The following SLC24A2 variants were observed in gnomAD, a reference collection of about 807,000 sequenced individuals.
The protein encoded by SLC24A2 is sodium/potassium/calcium exchanger 2.
Under a neutral mutation model 62.0 loss-of-function variants are expected in SLC24A2, and 36 were observed. The observed-to-expected ratio is 0.58, with a 90% confidence interval of 0.44 to 0.77. The LOEUF (loss-of-function observed/expected upper bound fraction) is 0.77, where lower values mean the gene tolerates loss of function less well. Among genes scored for constraint, SLC24A2 ranks in the 30% least tolerant of loss-of-function variants. The pLI is 0.00. For missense variants in SLC24A2, 846 were observed against 817.9 expected (o/e 1.03, Z -0.42); for synonymous variants, 358 against 294.0 (o/e 1.22, Z -2.23).
chr9:19,568,952 TTC>T (rs890179306), intron 7 of SLC24A2, among the ~76,000 whole-genome samples: 1 of 152,206 alleles, frequency 6.6e-6, no homozygotes, highest in African/African-American at 2.4e-5. Flanking sequence ...TTCTCCCCCT[TTC>T]TTTCCGTGTA....
rs565464801 is a variant in SLC24A2, at chr9:19,603,511, G to A, written c.1079-6232C>T. On this transcript the variant is annotated intron_variant, in intron 4 of 10. Transcript: ENST00000341998. The stretch of plus-strand genomic sequence containing the variant: ...TCCACAGGGTGAGGGGAGGGAGGGG[G>A]GCACTAAGGTGATGCTGATGCTTCT... Among the ~76,000 whole-genome samples the A allele has an allele frequency of 4.0e-5, 6 of 151,874 alleles. No homozygotes were observed. The East Asian group carries it at 5.8e-4, about 15-fold the overall frequency.
the SLC24A2 span, among the ~76,000 whole-genome samples, chr9:20,216,763 A>T: frequency 1.3e-5 from 2 of 152,220 alleles, no homozygotes; most frequent in Non-Finnish European, 2.9e-5. Context: ...TAAGCATTAC[A>T]TGTCTCATTT....
the SLC24A2 span, among the ~76,000 whole-genome samples, chr9:20,259,238 A>C: frequency 6.6e-6 from 1 of 152,244 alleles, no homozygotes; most frequent in South Asian, 2.1e-4. Context: ...GACCCATTTT[A>C]GATTTCTGAC....
the SLC24A2 span, among the ~76,000 whole-genome samples, chr9:20,032,459 G>GT: frequency 1.3e-5 from 2 of 152,140 alleles, no homozygotes; most frequent in Admixed American, 6.5e-5. Flanking sequence ...CATCTTTTGT[G>GT]TTTTAGTATG....
chr9:19,882,891 G>C, the SLC24A2 span, among the ~76,000 whole-genome samples: 1 of 152,142 alleles, frequency 6.6e-6, no homozygotes, highest in Non-Finnish European at 1.5e-5. Flanking sequence ...GCCGATGCAG[G>C]ATTCCTTTTA....
At chr9:20,294,595 G>A in the SLC24A2 span, among the ~76,000 whole-genome samples, 1 of 152,172 alleles carries the variant, frequency 6.6e-6, no homozygotes, top group African/African-American at 2.4e-5. Flanking sequence ...CTGTATTAGA[G>A]AAAAACTTGA....
intron 5 of SLC24A2, among the ~76,000 whole-genome samples, chr9:19,585,319 C>T (rs74760626): frequency 0.041 from 6,175 of 152,162 alleles, 159 homozygotes; most frequent in African/African-American, 0.068. Context: ...TAAATTGTTT[C>T]AATCTTGACC....
chr9:20,107,846 G>C, the SLC24A2 span, among the ~76,000 whole-genome samples: 3 of 152,042 alleles, frequency 2.0e-5, no homozygotes, highest in Non-Finnish European at 2.9e-5. Context: ...TTGACAAATG[G>C]GATCTAATTA....
At chr9:19,832,008 G>C in the SLC24A2 span, among the ~76,000 whole-genome samples, 1 of 152,138 alleles carries the variant, frequency 6.6e-6, no homozygotes, top group Non-Finnish European at 1.5e-5. Flanking sequence ...TTGTCTGTTT[G>C]TTTTGTTGTT....
the SLC24A2 span, among the ~76,000 whole-genome samples, chr9:20,062,364 C>G: frequency 6.9e-6 from 1 of 143,978 alleles, no homozygotes. Flanking sequence ...TGATCTTTGA[C>G]AAACCTGAGA....
chr9:19,948,211 A>C, the SLC24A2 span, among the ~76,000 whole-genome samples: 1 of 152,200 alleles, frequency 6.6e-6, no homozygotes, highest in Non-Finnish European at 1.5e-5. Flanking sequence ...CAGCCAACTC[A>C]TCTGTGACTG....
At chr9:19,714,439 A>G (rs1820800571) in intron 2 of SLC24A2, among the ~76,000 whole-genome samples, 1 of 109,718 alleles carries the variant, frequency 9.1e-6, no homozygotes, top group Non-Finnish European at 2.4e-5. Context: ...AAAATAAAAC[A>G]AAATAAAATA....
At chr9:20,156,596 C>T in the SLC24A2 span, among the ~76,000 whole-genome samples, 79 of 151,838 alleles carry the variant, frequency 5.2e-4, no homozygotes, top group Non-Finnish European at 8.4e-4. Context: ...ACATATGTTG[C>T]TAAACTCTCT....
At chr9:20,183,505 T>A in the SLC24A2 span, among the ~76,000 whole-genome samples, 8 of 152,212 alleles carry the variant, frequency 5.3e-5, no homozygotes, top group Non-Finnish European at 1.2e-4. Flanking sequence ...CTGCTTAACT[T>A]TGAATAACAA....
At chr9:20,223,428 C>G in the SLC24A2 span, among the ~76,000 whole-genome samples, 1 of 152,100 alleles carries the variant, frequency 6.6e-6, no homozygotes, top group Non-Finnish European at 1.5e-5. Context: ...AGTTCAAGAC[C>G]ATCCTGGTCA....
the SLC24A2 span, among the ~76,000 whole-genome samples, chr9:20,219,310 G>A: frequency 2.0e-5 from 3 of 152,172 alleles, no homozygotes; most frequent in Admixed American, 1.3e-4. Flanking sequence ...GATGTGGGAA[G>A]TGCACTGGAA....
In SLC24A2 at chr9:19,720,700, CA is replaced by C. The variant is rs11455984; in HGVS notation, c.930+65236del. ...CAATTACAATGACAACCCCCCCCCC[CA>C]AAAAAAATCACCTTGATGTGGCTCA... is the stretch of plus-strand genomic sequence containing the variant. On this transcript the variant is annotated intron_variant, in intron 2 of 10. Transcript: ENST00000341998. Among the ~76,000 whole-genome samples the C allele has an allele frequency of 2.8e-3, 379 of 137,318 alleles. 2 individuals are homozygous for C. The highest frequency in any genetic ancestry group is 5.8e-3 in the African/African-American group (217 of 37,352). 90.1% of individuals were successfully genotyped at this position (137,318 alleles called of 152,430 possible).
At chr9:20,104,837 T>A in the SLC24A2 span, among the ~76,000 whole-genome samples, 3 of 152,102 alleles carry the variant, frequency 2.0e-5, no homozygotes, top group African/African-American at 7.2e-5. Context: ...AGGATCAAAC[T>A]CACACATAAC....
chr9:20,017,824 G>A, the SLC24A2 span, among the ~76,000 whole-genome samples: 1 of 152,234 alleles, frequency 6.6e-6, no homozygotes, highest in Non-Finnish European at 1.5e-5. Flanking sequence ...CATGTTGGCA[G>A]CTGATTAGAT....
Sources: gnomAD v4.1 joint callset for allele counts (sites outside exome capture counted in the v4.1 genomes callset) on GRCh38, gnomAD v4.1.1 for gene constraint, MANE v1.5 for transcripts, NCBI Gene and HGNC (gene_info 2026-07-23, HGNC 2026-07-21) for gene names.